Variants in UTRN observed in about 807,000 individuals in gnomAD.
UTRN encodes the protein utrophin.
Under a neutral mutation model 463.9 loss-of-function variants are expected in UTRN, and 283 were observed. The observed-to-expected ratio is 0.61, with a 90% CI of 0.55 to 0.67. The LOEUF (loss-of-function observed/expected upper bound fraction) is 0.67. Among genes scored for constraint, UTRN ranks in the 30% least tolerant of loss-of-function variants. The pLI, the probability that UTRN is intolerant of heterozygous loss-of-function variation, is 0.00. For synonymous variants in UTRN, 1,442 were observed against 1,431.5 expected (o/e 1.01, Z -0.17); for missense variants, 3,922 against 4,084.3 (o/e 0.96, Z 1.08).
chr6:144,318,796 C>T (rs1043415550), intron 2 of UTRN, among the ~76,000 whole-genome samples: 34 of 152,118 alleles, frequency 2.2e-4, no homozygotes, highest in African/African-American at 7.7e-4. Context: ...TCTAGCTGGG[C>T]ATGTTGGCTC....
At position 144,393,532 on chromosome 6, in the gene UTRN, T is replaced by C. The variant is rs933770005; in HGVS notation, c.80-9591T>C. On this transcript the variant is annotated intron_variant, in intron 2 of 74. Coordinates refer to ENST00000367545, the MANE Select transcript of UTRN (RefSeq NM_007124.3). Reference sequence around the variant, plus strand: ...AAAAGGCAATCCAGAAGAGAAATGGTAGAAAGAGACTGACCCACATGGTGC... The same window carrying C: ...AAAAGGCAATCCAGAAGAGAAATGGCAGAAAGAGACTGACCCACATGGTGC... Among the ~76,000 whole-genome samples the C allele has an allele frequency of 2.0e-5, 3 of 151,986 alleles. 1 individual carries two copies. Among genetic ancestry groups the C allele is most frequent in the Admixed American group, 1.3e-4 (2 of 15,258 alleles).
chr6:144,660,279 T>C (rs1377028102), intron 51 of UTRN: 2 of 471,070 alleles, frequency 4.2e-6, no homozygotes, highest in Admixed American at 4.7e-5. Context: ...TGAAAAGGTA[T>C]GCAGAAAGCA....
At chr6:144,407,171 C>T (rs1783493653) in intron 3 of UTRN, among the ~76,000 whole-genome samples, 1 of 152,110 alleles carries the variant, frequency 6.6e-6, no homozygotes, top group Non-Finnish European at 1.5e-5. Flanking sequence ...CTAGGTTAGA[C>T]ATAAACTCTG....
chr6:144,320,115 G>A (rs1775544180), intron 2 of UTRN, among the ~76,000 whole-genome samples: 1 of 152,204 alleles, frequency 6.6e-6, no homozygotes, highest in Non-Finnish European at 1.5e-5. Context: ...GCCTCCCAAA[G>A]TGCTGGGATT....
In UTRN at chr6:144,286,294, TCC is replaced by T. The variant is rs1417477189; in HGVS notation, c.-93+474_-93+475del. 6.6e-6 allele frequency among the ~76,000 whole-genome samples: 1 copy of T among 151,988 alleles called. No homozygotes were observed. Among genetic ancestry groups the T allele is most frequent in the African/African-American group, 2.4e-5 (1 of 41,388 alleles). On this transcript the variant is annotated intron_variant, in intron 1 of 74. Transcript: ENST00000367545. The surrounding 1 kb of genome is among the most constrained non-coding windows in gnomAD (Gnocchi z 4.4). The stretch of plus-strand genomic sequence containing the variant: ...CGGGGAAGGCGGGGCTCCGGCGGTG[TCC>T]ACAGGAGAGGGTGGGCAGAGGGTGG...
At chr6:144,459,872 A>G (rs1031602708) in intron 21 of UTRN, among the ~76,000 whole-genome samples, 2 of 152,106 alleles carry the variant, frequency 1.3e-5, no homozygotes, top group African/African-American at 4.8e-5. Flanking sequence ...GTAAGCCATT[A>G]TAACAGGTGA....
chr6:144,700,389 C>A, intron 53 of UTRN, 146 bp downstream of exon 53: 1 of 908,000 alleles, frequency 1.1e-6, no homozygotes, highest in Non-Finnish European at 1.5e-6. Flanking sequence ...TGCCAGTAGA[C>A]ATTTAAAGTG....
intron 9 of UTRN, 36 bp from the exon 10 acceptor site, chr6:144,435,899 G>T: frequency 6.2e-7 from 1 of 1,606,514 alleles, no homozygotes; most frequent in South Asian, 1.1e-5. Flanking sequence ...TTGCTTTGAT[G>T]ATTAGTGTGG....
At chr6:144,306,529 A>G (rs1805755101) in intron 2 of UTRN, among the ~76,000 whole-genome samples, 2 of 152,138 alleles carry the variant, frequency 1.3e-5, no homozygotes, top group African/African-American at 4.8e-5. Flanking sequence ...AACACTCGCA[A>G]ATGAAGCCTT....
In UTRN at chr6:144,521,010, G is replaced by C. The variant is rs111880482; in HGVS notation, c.5542-970G>C. ...TAGAAAGCTCTGAGAAGAGGGCCGG[G>C]CATGGTGGCTCATGCCTGTAATCCC... On this transcript the variant is annotated intron_variant, in intron 39 of 74. Coordinates refer to ENST00000367545, the MANE Select transcript of UTRN (RefSeq NM_007124.3). Among the ~76,000 whole-genome samples, 289 of 152,294 alleles carry C rather than the reference G, an allele frequency of 1.9e-3. 2 individuals are homozygous for C. The highest frequency in any genetic ancestry group is 6.8e-3 in the Middle Eastern group (2 of 294).
chr6:144,754,948 T>C, intron 57 of UTRN, 150 bp downstream of exon 57: 1 of 701,286 alleles, frequency 1.4e-6, no homozygotes, highest in African/African-American at 1.8e-5. Flanking sequence ...AAATATTGCT[T>C]AATGGTTATT....
At chr6:144,686,009 T>C (rs1184079339) in intron 52 of UTRN, among the ~76,000 whole-genome samples, 1 of 152,144 alleles carries the variant, frequency 6.6e-6, no homozygotes, top group Non-Finnish European at 1.5e-5. Flanking sequence ...GAATTTCTTC[T>C]AAAATTGTTA....
chr6:144,650,860 G>T (rs1585784728), intron 51 of UTRN, among the ~76,000 whole-genome samples: 1 of 152,088 alleles, frequency 6.6e-6, no homozygotes, highest in Non-Finnish European at 1.5e-5. Flanking sequence ...AGTGGGCCCA[G>T]ACTGCGCTAC....
rs150228877 is a variant in UTRN, at chr6:144,816,696, G to A, written c.9358-4186G>A. ...CATTTAAATCTTTTTTAAGTAGCTGGGACTGCAGGCACGTGCTGTCATGCC... is the reference window on the plus strand; with the variant it reads ...CATTTAAATCTTTTTTAAGTAGCTGAGACTGCAGGCACGTGCTGTCATGCC... On this transcript the variant is annotated intron_variant, in intron 65 of 74. Transcript: ENST00000367545. Among the ~76,000 whole-genome samples the A allele has an allele frequency of 3.0e-3, 437 of 147,612 alleles. 2 individuals are homozygous for A. Among genetic ancestry groups the A allele is most frequent in the African/African-American group, 0.01 (411 of 40,238 alleles).
At chr6:144,721,413 T>C (rs1385235658) in intron 53 of UTRN, among the ~76,000 whole-genome samples, 1 of 152,194 alleles carries the variant, frequency 6.6e-6, no homozygotes, top group Non-Finnish European at 1.5e-5. Context: ...CTAGCTATGT[T>C]GCCCAGGCTG....
rs190765324 is a variant in UTRN at position 144,531,051 on chromosome 6, G to A, written c.5907-1G>A. ...ATTTTATTTTGTGTATTGTCCTCTA[G>A]TTGTTTTGACAGGGCAATGGAAGAA... On this transcript the variant is annotated splice_acceptor_variant, in intron 41 of 74. Transcript: ENST00000367545. LOFTEE classifies it high-confidence loss of function. The A allele has an allele frequency of 2.5e-4, 402 of 1,613,478 alleles. 2 individuals carry two copies. The highest frequency in any genetic ancestry group is 1.1e-3 in the Admixed American group (68 of 59,970).
At chr6:144,552,754 T>C (rs973026384) in intron 48 of UTRN, among the ~76,000 whole-genome samples, 17 of 152,230 alleles carry the variant, frequency 1.1e-4, no homozygotes, top group Admixed American at 8.5e-4. Flanking sequence ...ATAATTTGCC[T>C]ATTTCTTATG....
chr6:144,557,392 C>A, intron 50 of UTRN, 81 bp downstream of exon 50: 1 of 1,436,474 alleles, frequency 7.0e-7, no homozygotes, highest in Non-Finnish European at 9.4e-7. Flanking sequence ...GGAAACCTGC[C>A]AAACATGTGG....
At chr6:144,730,251 A>G in intron 53 of UTRN, 106 bp from the exon 54 acceptor site, 3 of 1,223,334 alleles carry the variant, frequency 2.5e-6, no homozygotes, top group Admixed American at 6.0e-5. Context: ...GCTTGCTATT[A>G]GTCATTTTCT....
Sources: gnomAD v4.1 joint callset for allele counts (sites outside exome capture counted in the v4.1 genomes callset) on GRCh38, gnomAD v4.1.1 for gene constraint, Gnocchi (gnomAD v3.1) non-coding constraint, MANE v1.5 for transcripts, NCBI Gene and HGNC (gene_info 2026-07-23, HGNC 2026-07-21) for gene names.